The following CDH4 variants were observed in gnomAD, a reference collection of about 807,000 sequenced individuals.
CDH4 encodes the protein cadherin-4.
Under a neutral mutation model 86.0 loss-of-function variants are expected in CDH4, and 33 were observed. The ratio of observed to expected loss-of-function variants is 0.38; its 90% CI spans 0.29 to 0.51. CDH4 has a LOEUF of 0.51. Among genes scored for constraint, CDH4 ranks in the 20% least tolerant of loss-of-function variants. The pLI, the probability that CDH4 is intolerant of heterozygous loss-of-function variation, is 0.86. For missense variants in CDH4, 1,114 were observed against 1,307.4 expected, an observed-to-expected ratio of 0.85 and a Z score of 2.28; for synonymous variants, 555 against 549.4, an observed-to-expected ratio of 1.01 and a Z score of -0.14.
At chr20:61,672,814 T>A (rs894203120) in intron 2 of CDH4, among the ~76,000 whole-genome samples, 2 of 152,046 alleles carry the variant, frequency 1.3e-5, no homozygotes, top group African/African-American at 4.8e-5. Flanking sequence ...CCTGTGTCCC[T>A]GCTCAGCTGG....
At chr20:61,771,266 T>G (rs1434898137) in intron 3 of CDH4, among the ~76,000 whole-genome samples, 1 of 151,388 alleles carries the variant, frequency 6.6e-6, no homozygotes, top group Non-Finnish European at 1.5e-5. Context: ...TGTCTTGACC[T>G]CCCAAAGTGC....
rs1568731977 is a variant in CDH4 at position 61,647,556 on chromosome 20, T to TCTCTCTCTCTCTCTCTCTCTCC, written c.170-96006_170-96005insTCTCTCTCTCTCTCTCTCTCCC. Reference sequence around the variant, plus strand: ...CTCCCTCTCCCTCTCCCTCTCCCTCTCCCTCTCCCTCTCCCTCCCTCCCCC... The same window carrying TCTCTCTCTCTCTCTCTCTCTCC: ...CTCCCTCTCCCTCTCCCTCTCCCTCTCTCTCTCTCTCTCTCTCTCTCCCCCTCTCCCTCTCCCTCCCTCCCCC... On this transcript the variant is annotated intron_variant, in intron 2 of 15. Coordinates refer to ENST00000614565, the MANE Select transcript of CDH4 (RefSeq NM_001794.5). Among the ~76,000 whole-genome samples the TCTCTCTCTCTCTCTCTCTCTCC allele has an allele frequency of 5.3e-4, 56 of 105,870 alleles. 7 individuals are homozygous for TCTCTCTCTCTCTCTCTCTCTCC. The highest frequency in any genetic ancestry group is 1.7e-3 in the African/African-American group (50 of 28,722). 69.5% of individuals were successfully genotyped at this position (105,870 alleles called of 152,430 possible).
At chr20:61,633,601 C>G (rs1361613828) in intron 2 of CDH4, among the ~76,000 whole-genome samples, 1 of 152,266 alleles carries the variant, frequency 6.6e-6, no homozygotes, top group Non-Finnish European at 1.5e-5. Flanking sequence ...CAGCCTAGAT[C>G]TTCCCGGAGA....
At chr20:61,434,889 A>C (rs2085272171) in intron 2 of CDH4, 1 of 151,484 alleles carries the variant, frequency 6.6e-6, no homozygotes, top group African/African-American at 2.5e-5. Flanking sequence ...CAATTAAAAA[A>C]AACAACAACT....
intron 2 of CDH4, among the ~76,000 whole-genome samples, chr20:61,527,333 T>C (rs1387038679): frequency 6.6e-6 from 1 of 152,072 alleles, no homozygotes; most frequent in Non-Finnish European, 1.5e-5. Context: ...CACTGCCATC[T>C]CCACTTCCCG....
At chr20:61,800,097 G>T (rs1033476343) in intron 4 of CDH4, among the ~76,000 whole-genome samples, 1 of 152,200 alleles carries the variant, frequency 6.6e-6, no homozygotes, top group Non-Finnish European at 1.5e-5. Context: ...GTCCAGGGCC[G>T]GGTGGGGCCA....
chr20:61,569,955 C>T (rs1037441767), intron 2 of CDH4, among the ~76,000 whole-genome samples: 1 of 152,118 alleles, frequency 6.6e-6, no homozygotes, highest in African/African-American at 2.4e-5. Flanking sequence ...AGTACAAGGC[C>T]GGTTTTCTGG....
At chr20:61,454,773 TG>T (rs1220144679) in intron 2 of CDH4, among the ~76,000 whole-genome samples, 1 of 151,968 alleles carries the variant, frequency 6.6e-6, no homozygotes, top group Non-Finnish European at 1.5e-5. Context: ...AGGGGAGCAG[TG>T]TATATGGTAG....
chr20:61,391,777 A>G (rs1463337695), intron 2 of CDH4, among the ~76,000 whole-genome samples: 2 of 152,054 alleles, frequency 1.3e-5, no homozygotes, highest in Non-Finnish European at 2.9e-5. Flanking sequence ...GTGGGAGGAT[A>G]TTGTCTGTCC....
intron 2 of CDH4, among the ~76,000 whole-genome samples, chr20:61,255,687 A>C (rs1027179354): frequency 9.2e-5 from 14 of 152,246 alleles, no homozygotes; most frequent in Admixed American, 3.9e-4. Context: ...TTGATAAAGT[A>C]TCGAAGCTAA....
intron 4 of CDH4, among the ~76,000 whole-genome samples, chr20:61,786,093 G>T (rs557408274): frequency 6.6e-6 from 1 of 152,172 alleles, no homozygotes; most frequent in Admixed American, 6.5e-5. Flanking sequence ...ACACGTGAAC[G>T]AGAGGCTTTG....
chr20:61,348,166 G>A (rs1349734114), intron 2 of CDH4, among the ~76,000 whole-genome samples: 1 of 152,130 alleles, frequency 6.6e-6, no homozygotes, highest in Non-Finnish European at 1.5e-5. Flanking sequence ...AAGGAAAGAG[G>A]TTTAATGGAC....
chr20:61,513,919 ACACCAAAGTTT>A (rs2085798347), intron 2 of CDH4, among the ~76,000 whole-genome samples: 1 of 152,172 alleles, frequency 6.6e-6, no homozygotes, highest in East Asian at 1.9e-4. Flanking sequence ...CCAAGCGTCC[ACACCAAAGTTT>A]CACAGCGGGA....
At chr20:61,883,422 G>C (rs960471253) in intron 7 of CDH4, among the ~76,000 whole-genome samples, 4 of 152,252 alleles carry the variant, frequency 2.6e-5, no homozygotes, top group Admixed American at 2.6e-4. Context: ...CAGCTCGGTG[G>C]GGGGCACCAC....
chr20:61,772,645 C>T (rs573611459), intron 3 of CDH4, among the ~76,000 whole-genome samples: 1 of 152,194 alleles, frequency 6.6e-6, no homozygotes, highest in East Asian at 1.9e-4. Context: ...TGTGGGAAAA[C>T]GTATTAGTCT....
chr20:61,548,783 A>G (rs567807491), intron 2 of CDH4, among the ~76,000 whole-genome samples: 1 of 152,338 alleles, frequency 6.6e-6, no homozygotes, highest in African/African-American at 2.4e-5. Flanking sequence ...TCTAAAAAGA[A>G]ATGTCACAAA....
intron 2 of CDH4, among the ~76,000 whole-genome samples, chr20:61,398,581 C>T (rs1347088742): frequency 6.6e-6 from 1 of 152,210 alleles, no homozygotes; most frequent in Non-Finnish European, 1.5e-5. Flanking sequence ...ATTCCCTCCT[C>T]TTCTAGGGAG....
intron 2 of CDH4, among the ~76,000 whole-genome samples, chr20:61,262,423 G>T (rs939873872): frequency 2.0e-5 from 3 of 152,166 alleles, no homozygotes; most frequent in Admixed American, 1.3e-4. Context: ...CCCTTGCGGC[G>T]AAGCCCCTTT....
intron 2 of CDH4, among the ~76,000 whole-genome samples, chr20:61,432,053 C>T (rs1174082981): frequency 6.6e-6 from 1 of 152,200 alleles, no homozygotes; most frequent in Non-Finnish European, 1.5e-5. Flanking sequence ...TTCTGATGTG[C>T]ACTCTGAGCT....
Sources: allele counts gnomAD v4.1 joint callset (sites outside exome capture counted in the v4.1 genomes callset), GRCh38; gene constraint gnomAD v4.1.1; transcripts MANE v1.5; gene names NCBI Gene and HGNC (gene_info 2026-07-23, HGNC 2026-07-21).